Variants in RASEF observed in about 807,000 individuals in gnomAD.
The protein encoded by RASEF is ras and EF-hand domain-containing protein.
A neutral mutation model predicts 90.1 loss-of-function variants in RASEF; 68 were observed. That is an observed-to-expected ratio of 0.75 (90% CI 0.62 to 0.92). RASEF has a LOEUF of 0.92. Ranked by LOEUF, RASEF falls within the 40% of genes least tolerant of loss-of-function variation. The pLI, the probability that RASEF is intolerant of heterozygous loss-of-function variation, is 0.00. For synonymous variants in RASEF, 331 were observed against 345.2 expected (o/e 0.96, Z 0.46); for missense variants, 949 against 937.2 (o/e 1.01, Z -0.16).
chr9:83,194,137 T>C, the RASEF span, among the ~76,000 whole-genome samples: 2 of 152,364 alleles, frequency 1.3e-5, no homozygotes, highest in East Asian at 3.9e-4. Flanking sequence ...AAATTACTAT[T>C]GAATAAACTC....
chr9:83,109,807 A>G, the RASEF span, among the ~76,000 whole-genome samples: 258 of 152,294 alleles, frequency 1.7e-3, 1 homozygote, highest in African/African-American at 5.9e-3. Context: ...ATTTCCTCCC[A>G]GACGCGTTAT....
the RASEF span, among the ~76,000 whole-genome samples, chr9:83,210,378 C>T: frequency 5.3e-5 from 8 of 152,174 alleles, no homozygotes; most frequent in Non-Finnish European, 8.8e-5. Context: ...ATCTTCTGTA[C>T]AATATTCTTA....
chr9:83,134,365 T>C, the RASEF span, among the ~76,000 whole-genome samples: 7 of 149,980 alleles, frequency 4.7e-5, no homozygotes, highest in African/African-American at 1.2e-4. Context: ...TGCGAACAGA[T>C]TCTTTCCCCC....
chr9:83,080,347 C>G, the RASEF span, among the ~76,000 whole-genome samples: 1 of 152,224 alleles, frequency 6.6e-6, no homozygotes, highest in Non-Finnish European at 1.5e-5. Flanking sequence ...GAGTTCCATA[C>G]AGATATGGCT....
At chr9:83,204,632 A>G in the RASEF span, among the ~76,000 whole-genome samples, 1 of 152,252 alleles carries the variant, frequency 6.6e-6, no homozygotes, top group South Asian at 2.1e-4. Context: ...GCTCAAAAAC[A>G]CCACACAAAC....
chr9:83,045,635 T>A (rs1829915112), intron 1 of RASEF, among the ~76,000 whole-genome samples: 1 of 152,216 alleles, frequency 6.6e-6, no homozygotes, highest in African/African-American at 2.4e-5. Context: ...AATCTGACAT[T>A]CATTTCTGTC....
chr9:83,074,551 A>G, the RASEF span, among the ~76,000 whole-genome samples: 1 of 152,240 alleles, frequency 6.6e-6, no homozygotes, highest in Non-Finnish European at 1.5e-5. Context: ...AATGGTTTTT[A>G]TGTTTAAAAA....
the RASEF span, among the ~76,000 whole-genome samples, chr9:83,147,250 C>T: frequency 6.6e-6 from 1 of 151,952 alleles, no homozygotes; most frequent in Non-Finnish European, 1.5e-5. Flanking sequence ...GACAAAAATA[C>T]TATGCACAGT....
At chr9:83,199,381 C>T in the RASEF span, among the ~76,000 whole-genome samples, 1 of 152,170 alleles carries the variant, frequency 6.6e-6, no homozygotes, top group East Asian at 1.9e-4. Context: ...CTCGCACCAT[C>T]GCAGCCTGTC....
chr9:83,169,001 C>G, the RASEF span, among the ~76,000 whole-genome samples: 16,145 of 151,964 alleles, frequency 0.11, 1,083 homozygotes, highest in East Asian at 0.21. Context: ...TCCCTGCTGC[C>G]CTTCCTAGCC....
the RASEF span, among the ~76,000 whole-genome samples, chr9:83,123,237 C>CAAAA: frequency 0.023 from 1,905 of 83,320 alleles, 106 homozygotes; most frequent in African/African-American, 0.084. Flanking sequence ...GAGACTCCAT[C>CAAAA]AAAAAAAAAA....
At chr9:83,073,458 C>T in the RASEF span, among the ~76,000 whole-genome samples, 5 of 151,382 alleles carry the variant, frequency 3.3e-5, no homozygotes, top group Non-Finnish European at 7.4e-5. Context: ...CCTCAACCTT[C>T]CACACTGATA....
chr9:83,161,093 G>A, the RASEF span, among the ~76,000 whole-genome samples: 1 of 152,182 alleles, frequency 6.6e-6, no homozygotes, highest in Non-Finnish European at 1.5e-5. Flanking sequence ...GAAATGTGGG[G>A]TCTGAGCCCC....
At chr9:83,176,720 T>C in the RASEF span, among the ~76,000 whole-genome samples, 13 of 152,044 alleles carry the variant, frequency 8.6e-5, no homozygotes, top group Non-Finnish European at 1.6e-4. Context: ...TTATACTAAA[T>C]TAATTCAAGT....
At chr9:83,002,705 G>A (rs1829062517) in intron 9 of RASEF, among the ~76,000 whole-genome samples, 1 of 152,014 alleles carries the variant, frequency 6.6e-6, no homozygotes, top group Non-Finnish European at 1.5e-5. Flanking sequence ...TACTGGTTAT[G>A]ATTTATTTTA....
the RASEF span, among the ~76,000 whole-genome samples, chr9:83,200,048 G>A: frequency 6.6e-6 from 1 of 152,192 alleles, no homozygotes; most frequent in African/African-American, 2.4e-5. Context: ...TGACATGTGT[G>A]AATTTGTTAA....
At chr9:83,055,252 C>T in intron 1 of RASEF, 2 of 308,150 alleles carry the variant, frequency 6.5e-6, no homozygotes, top group Non-Finnish European at 1.3e-5. Flanking sequence ...TTGTGGTGCG[C>T]CGTTTCTTAA....
chr9:83,122,893 G>A, the RASEF span, among the ~76,000 whole-genome samples: 2 of 152,148 alleles, frequency 1.3e-5, no homozygotes, highest in African/African-American at 4.8e-5. Context: ...CAGCTATCTA[G>A]GTAGTGGCAA....
intron 1 of RASEF, among the ~76,000 whole-genome samples, chr9:83,037,386 G>A (rs768803951): frequency 1.3e-5 from 2 of 151,644 alleles, no homozygotes; most frequent in Non-Finnish European, 2.9e-5. Flanking sequence ...TGGAATCAAC[G>A]TTCAGGAAGT....
Sources: gnomAD v4.1 joint callset for allele counts (sites outside exome capture counted in the v4.1 genomes callset) on GRCh38, gnomAD v4.1.1 for gene constraint, MANE v1.5 for transcripts, NCBI Gene and HGNC (gene_info 2026-07-23, HGNC 2026-07-21) for gene names.